ADCY10: variants seen among roughly 807,000 people sequenced by gnomAD.
The protein encoded by ADCY10 is adenylate cyclase type 10.
ADCY10 carries 156 observed loss-of-function variants against 183.3 expected under a neutral mutation model. That is an observed-to-expected ratio of 0.85 (90% CI 0.75 to 0.97). ADCY10 has a LOEUF of 0.97. Ranked by LOEUF, ADCY10 falls within the 50% of genes least tolerant of loss-of-function variation. The probability of loss-of-function intolerance (pLI) is 0.00; values close to 1 mark genes in which losing one functional copy is unlikely to be tolerated. For missense variants in ADCY10, 1,745 were observed against 1,934.3 expected (o/e 0.90, Z 1.84); for synonymous variants, 645 against 670.0 (o/e 0.96, Z 0.58).
At chr1:167,883,008 A>G (rs748148254) in intron 9 of ADCY10, among the ~76,000 whole-genome samples, 2 of 152,202 alleles carry the variant, frequency 1.3e-5, no homozygotes, top group Non-Finnish European at 1.5e-5. Context: ...AGTTATAATT[A>G]TAAACAAAGA....
In ADCY10 at chr1:167,896,676, G is replaced by A. The variant is rs778824050; in HGVS notation, c.658C>T (p.Pro220Ser). ...TCATCAAAATTAAAATTGGGGGGTG[G>A]TTTTAAGAAGTTAACCTAAATAAAA... ...QRAVKVNFLK[P>S]PPNFNFDEFF... The change falls in exon 7 of 33, where the codon CCA becomes TCA. Residue 220 changes from proline (P) to serine (S), a missense_variant. Physicochemically the swap from Pro to Ser is moderately conservative, Grantham distance 74. Transcript: ENST00000367851. 6.2e-7 allele frequency: 1 copy of A among 1,609,482 alleles called. No individual in the cohort carries two copies. Among genetic ancestry groups the A allele is most frequent in the East Asian group, 2.2e-5 (1 of 44,866 alleles).
intron 25 of ADCY10, among the ~76,000 whole-genome samples, chr1:167,830,156 C>T (rs191378829): frequency 4.6e-5 from 7 of 152,264 alleles, no homozygotes; most frequent in African/African-American, 1.7e-4. Context: ...TGAGACAATA[C>T]ATAATTGACT....
In ADCY10 at chr1:167,889,384, T is replaced by G. The variant is rs541474202; in HGVS notation, c.828+4469A>C. ...GATAAGACATATCACAGTGTTTGAT[T>G]TGCATATGTCCAACCACCCTTGCAT... is the stretch of plus-strand genomic sequence containing the variant. On this transcript the variant is annotated intron_variant, in intron 8 of 32. Coordinates refer to ENST00000367851, the MANE Select transcript of ADCY10 (RefSeq NM_018417.6). 6.7e-5 allele frequency among the ~76,000 whole-genome samples: 10 copies of G among 149,488 alleles called. No homozygotes were observed. In the South Asian group the frequency reaches 2.1e-3, roughly 31 times the overall value.
chr1:167,899,125 C>T (rs1669210920), intron 6 of ADCY10, among the ~76,000 whole-genome samples: 1 of 152,206 alleles, frequency 6.6e-6, no homozygotes, highest in African/African-American at 2.4e-5. Context: ...GATGAACCGG[C>T]AGACCCTTCT....
chr1:167,861,656 A>T (rs771843703), intron 14 of ADCY10, among the ~76,000 whole-genome samples: 2 of 152,156 alleles, frequency 1.3e-5, no homozygotes, highest in African/African-American at 4.8e-5. Flanking sequence ...GGTTGACTAC[A>T]TACCCTTTCT....
intron 17 of ADCY10, among the ~76,000 whole-genome samples, chr1:167,854,926 C>T (rs9787065): frequency 0.42 from 63,558 of 152,036 alleles, 13,568 homozygotes; most frequent in East Asian, 0.66. Flanking sequence ...AAGACATCTT[C>T]CTTCCAGAAG....
chr1:167,849,427 A>G (rs888989743), intron 18 of ADCY10, among the ~76,000 whole-genome samples: 1 of 152,212 alleles, frequency 6.6e-6, no homozygotes, highest in African/African-American at 2.4e-5. Context: ...GAAGGTGAAT[A>G]AAACCAAGTT....
At position 167,878,516 on chromosome 1, in the gene ADCY10, G is replaced by A. The variant is rs549198788; in HGVS notation, c.1336C>T (p.Pro446Ser). ...GCAACACCTTTCATAACTTTCTTTG[G>A]AAGCTCTTTAAAAAAGTACGCTGGT... Reference protein sequence around the residue: ...NLPAYFFKELPKKVMKGVADS... With the variant: ...NLPAYFFKELSKKVMKGVADS... Residue 446 changes from proline (P) to serine (S), a missense_variant, in exon 12 of 33, where the codon CCA becomes TCA. Coordinates refer to ENST00000367851, the MANE Select transcript of ADCY10 (RefSeq NM_018417.6). 26 of 1,614,098 alleles carry A rather than the reference G, an allele frequency of 1.6e-5. No homozygotes were observed. The South Asian group carries it at 2.7e-4, about 17-fold the overall frequency.
At chr1:167,873,291 T>A (rs1029128886) in intron 13 of ADCY10, among the ~76,000 whole-genome samples, 1 of 152,142 alleles carries the variant, frequency 6.6e-6, no homozygotes, top group Non-Finnish European at 1.5e-5. Context: ...GTGATTGGCT[T>A]GAAGACCCTG....
chr1:167,899,284 T>G, intron 6 of ADCY10, 139 bp downstream of exon 6: 4 of 837,736 alleles, frequency 4.8e-6, no homozygotes, highest in Non-Finnish European at 8.0e-6. Flanking sequence ...CTAAAGCCTC[T>G]GTAGCCTAAC....
intron 24 of ADCY10, 61 bp downstream of exon 24, chr1:167,833,906 TCTA>T: frequency 7.7e-7 from 1 of 1,293,836 alleles, no homozygotes; most frequent in Admixed American, 1.8e-5. Context: ...AGGGATGACT[TCTA>T]CTTCTATGGA....
chr1:167,866,250 G>A (rs978761565), intron 14 of ADCY10, among the ~76,000 whole-genome samples: 21 of 152,232 alleles, frequency 1.4e-4, no homozygotes, highest in African/African-American at 4.8e-4. Context: ...ATAAGACATC[G>A]TAAAGCGAGA....
intron 11 of ADCY10, 94 bp downstream of exon 11, chr1:167,880,021 T>C (rs946925131): frequency 6.7e-6 from 7 of 1,038,856 alleles, no homozygotes; most frequent in South Asian, 1.4e-5. Context: ...GCAGGGCTCA[T>C]GTCTCACTCA....
In ADCY10 at chr1:167,870,257, C is replaced by A; in HGVS notation, c.1616G>T (p.Arg539Met). 1 of 1,614,024 alleles carries A rather than the reference C, an allele frequency of 6.2e-7. No homozygotes were observed. The stretch of plus-strand genomic sequence containing the variant: ...AGAACAATCATTCCAAGACACTCAC[C>A]TGTGATTCTTACCTTGGGCCAGGTA... ...IEYLAQGKNH[R>M]IIAISLNKIS... The change falls in exon 14 of 33, where the codon AGG (arginine) becomes ATG (methionine). Residue 539 changes from arginine (R) to methionine (M), a missense_variant and splice_region_variant. Transcript: ENST00000367851.
intron 30 of ADCY10, 80 bp from the exon 31 acceptor site, chr1:167,818,347 G>A (rs1340918410): frequency 5.5e-6 from 7 of 1,283,288 alleles, no homozygotes; most frequent in African/African-American, 1.5e-5. Context: ...CTCTCTGGAT[G>A]TGCAGCTTCC....
intron 31 of ADCY10, among the ~76,000 whole-genome samples, chr1:167,812,775 T>C (rs1012332725): frequency 5.1e-4 from 78 of 152,118 alleles, no homozygotes; most frequent in Non-Finnish European, 2.1e-4. Flanking sequence ...AAGTAATTGA[T>C]GTATGAAAAT....
chr1:167,811,567 C>T (rs554282140), intron 31 of ADCY10, among the ~76,000 whole-genome samples: 1 of 152,178 alleles, frequency 6.6e-6, no homozygotes, highest in Non-Finnish European at 1.5e-5. Flanking sequence ...AGCCTTGTGA[C>T]AGAGTGAGAC....
At position 167,837,108 on chromosome 1, in the gene ADCY10, C is replaced by T. The variant is rs1288997777; in HGVS notation, c.3077+141G>A. 3 of 735,336 alleles carry T rather than the reference C, an allele frequency of 4.1e-6. No homozygotes were observed. In the Admixed American group the frequency reaches 5.9e-5, roughly 15 times the overall value. The allele number at this position is 735,336 out of a possible 1,614,324, so 45.6% of individuals were successfully genotyped here. A position where few individuals can be genotyped will look rare whatever the true frequency, so the allele number is the denominator to read the frequency against. On this transcript the variant is annotated intron_variant, in intron 22 of 32. Coordinates refer to ENST00000367851, the MANE Select transcript of ADCY10 (RefSeq NM_018417.6). ...CCTAGTGTGGATACTACTGACTAAA[C>T]TCACCATGCATACCCCCCAAAGTTT...
intron 31 of ADCY10, among the ~76,000 whole-genome samples, chr1:167,811,542 G>A (rs904463478): frequency 2.6e-5 from 4 of 152,186 alleles, no homozygotes; most frequent in African/African-American, 4.8e-5. Context: ...AGCCGAGATC[G>A]TGCCACTGCA....
Sources: allele counts gnomAD v4.1 joint callset (sites outside exome capture counted in the v4.1 genomes callset), GRCh38; gene constraint gnomAD v4.1.1; transcripts MANE v1.5; gene names NCBI Gene and HGNC (gene_info 2026-07-23, HGNC 2026-07-21).